Variants in CLSTN2 observed in about 807,000 individuals in gnomAD.
CLSTN2 encodes calsyntenin-2.
CLSTN2 carries 48 observed loss-of-function variants against 101.2 expected under a neutral mutation model. The ratio of observed to expected loss-of-function variants is 0.47; its 90% CI spans 0.38 to 0.60. CLSTN2 has a LOEUF of 0.60. Ranked by LOEUF, CLSTN2 falls within the 20% of genes least tolerant of loss-of-function variation. The probability of loss-of-function intolerance (pLI) is 0.00; values close to 1 mark genes in which losing one functional copy is unlikely to be tolerated. For synonymous variants in CLSTN2, 481 were observed against 463.6 expected (o/e 1.04, Z -0.48); for missense variants, 1,160 against 1,238.2 (o/e 0.94, Z 0.95).
intron 1 of CLSTN2, among the ~76,000 whole-genome samples, chr3:140,138,496 T>C (rs2009648616): frequency 6.6e-6 from 1 of 152,182 alleles, no homozygotes; most frequent in Non-Finnish European, 1.5e-5. Flanking sequence ...GTAGCACAGT[T>C]GGCAAGGAGT....
chr3:140,381,091 G>A (rs1385007219), intron 2 of CLSTN2, among the ~76,000 whole-genome samples: 15 of 152,172 alleles, frequency 9.9e-5, no homozygotes, highest in Non-Finnish European at 1.9e-4. Context: ...ATGGCTAAAG[G>A]GGAGGATCTT....
At chr3:140,212,580 C>A (rs1297799048) in intron 2 of CLSTN2, among the ~76,000 whole-genome samples, 1 of 152,104 alleles carries the variant, frequency 6.6e-6, no homozygotes, top group Non-Finnish European at 1.5e-5. Flanking sequence ...TTCAATGGCT[C>A]CCCTCTGCTT....
At chr3:140,040,833 G>A (rs1292795114) in intron 1 of CLSTN2, among the ~76,000 whole-genome samples, 1 of 152,046 alleles carries the variant, frequency 6.6e-6, no homozygotes, top group Non-Finnish European at 1.5e-5. Flanking sequence ...AAGGGGAGAG[G>A]GTATTTTTCA....
At chr3:140,246,231 G>T (rs1047201984) in intron 2 of CLSTN2, among the ~76,000 whole-genome samples, 1 of 152,110 alleles carries the variant, frequency 6.6e-6, no homozygotes, top group Non-Finnish European at 1.5e-5. Context: ...TTAAGGTGAC[G>T]TTTTATTATT....
chr3:140,004,216 G>A (rs1421669733), intron 1 of CLSTN2, among the ~76,000 whole-genome samples: 2 of 152,136 alleles, frequency 1.3e-5, no homozygotes, highest in Admixed American at 1.3e-4. Flanking sequence ...AATTAAATAA[G>A]TACCTTCATT....
At chr3:140,368,041 C>T (rs930134638) in intron 2 of CLSTN2, among the ~76,000 whole-genome samples, 1 of 152,320 alleles carries the variant, frequency 6.6e-6, no homozygotes, top group Non-Finnish European at 1.5e-5. Context: ...ATACTGGAAA[C>T]TCCTAGGTGA....
intron 5 of CLSTN2, among the ~76,000 whole-genome samples, chr3:140,433,447 ATGGACCT>A (rs2088656227): frequency 6.6e-6 from 1 of 152,222 alleles, no homozygotes; most frequent in African/African-American, 2.4e-5. Flanking sequence ...TCATCTCCCC[ATGGACCT>A]GGGTCTGTCC....
intron 1 of CLSTN2, among the ~76,000 whole-genome samples, chr3:139,977,755 C>T (rs1489125559): frequency 6.6e-6 from 1 of 152,174 alleles, no homozygotes; most frequent in Non-Finnish European, 1.5e-5. Flanking sequence ...CTGGGCATTG[C>T]AGAAGAGCCA....
At position 139,948,446 on chromosome 3, in the gene CLSTN2, C is replaced by T. The variant is rs568488846; in HGVS notation, c.109+12963C>T. ...CGCCATTGCACTCCGGCTTGGGTGA[C>T]AGAGCGACTCCATCTCAAGAAAAAA... On this transcript the variant is annotated intron_variant, in intron 1 of 16. Coordinates refer to ENST00000458420, the MANE Select transcript of CLSTN2 (RefSeq NM_022131.3). Among the ~76,000 whole-genome samples the T allele has an allele frequency of 3.7e-4, 56 of 150,972 alleles. No homozygotes were observed. In the South Asian group the frequency reaches 0.011, roughly 30 times the overall value.
chr3:140,073,972 G>T (rs903329023), intron 1 of CLSTN2, among the ~76,000 whole-genome samples: 1 of 152,132 alleles, frequency 6.6e-6, no homozygotes, highest in Non-Finnish European at 1.5e-5. Context: ...GTCAAGGAAG[G>T]CTGAAGAGCA....
At chr3:140,211,998 C>G (rs1030691107) in intron 2 of CLSTN2, among the ~76,000 whole-genome samples, 49 of 152,166 alleles carry the variant, frequency 3.2e-4, no homozygotes, top group African/African-American at 1.2e-3. Context: ...CCTGCACCAT[C>G]CATATTTTAC....
At chr3:140,129,733 A>G (rs1172912344) in intron 1 of CLSTN2, among the ~76,000 whole-genome samples, 1 of 152,142 alleles carries the variant, frequency 6.6e-6, no homozygotes, top group Non-Finnish European at 1.5e-5. Flanking sequence ...GTGTTCTTGA[A>G]CTACTAATCA....
At chr3:140,256,959 CAAACTTA>C (rs369043781) in intron 2 of CLSTN2, among the ~76,000 whole-genome samples, 20 of 152,094 alleles carry the variant, frequency 1.3e-4, no homozygotes, top group African/African-American at 4.6e-4. Flanking sequence ...GCTGGGAAGA[CAAACTTA>C]AAACACAGGA....
intron 1 of CLSTN2, among the ~76,000 whole-genome samples, chr3:140,087,277 G>T (rs1047362934): frequency 9.9e-5 from 15 of 152,200 alleles, no homozygotes; most frequent in Non-Finnish European, 1.8e-4. Flanking sequence ...TCAAAGGACA[G>T]TTTATGAAGA....
chr3:139,962,396 A>C (rs1234801119), intron 1 of CLSTN2, among the ~76,000 whole-genome samples: 1 of 152,142 alleles, frequency 6.6e-6, no homozygotes, highest in East Asian at 1.9e-4. Context: ...TATGACCTCC[A>C]ACAGTTTTCT....
chr3:140,539,012 T>C (rs1423862807), intron 9 of CLSTN2, among the ~76,000 whole-genome samples: 1 of 152,238 alleles, frequency 6.6e-6, no homozygotes, highest in Non-Finnish European at 1.5e-5. Flanking sequence ...CTGTGAAACA[T>C]CTTAAAGGAG....
intron 2 of CLSTN2, among the ~76,000 whole-genome samples, chr3:140,379,368 G>A (rs2087954653): frequency 6.6e-6 from 1 of 152,200 alleles, no homozygotes. Context: ...TCATCGTGGA[G>A]GTTGCCGAGA....
chr3:140,461,677 G>T (rs1042803106), intron 7 of CLSTN2, among the ~76,000 whole-genome samples: 1 of 151,174 alleles, frequency 6.6e-6, no homozygotes, highest in Middle Eastern at 3.2e-3. Context: ...ATGTGTAGAT[G>T]CTAGAGCCCC....
chr3:139,938,651 A>G (rs1405170048), intron 1 of CLSTN2, among the ~76,000 whole-genome samples: 6 of 152,230 alleles, frequency 3.9e-5, no homozygotes, highest in Non-Finnish European at 8.8e-5. Context: ...TTCTGGAGGC[A>G]GAGAAAGACA....
Sources: allele counts gnomAD v4.1 joint callset (sites outside exome capture counted in the v4.1 genomes callset), GRCh38; gene constraint gnomAD v4.1.1; transcripts MANE v1.5; gene names NCBI Gene and HGNC (gene_info 2026-07-23, HGNC 2026-07-21).